Variants in GEMIN5 observed in about 807,000 individuals in gnomAD.
GEMIN5 encodes the protein gem nuclear organelle associated protein 5, also known as gem-associated protein 5.
In GEMIN5, 124 loss-of-function variants were observed where a neutral mutation model predicts 176.9. The observed-to-expected ratio is 0.70, with a 90% CI of 0.61 to 0.81. The LOEUF (loss-of-function observed/expected upper bound fraction) is 0.81, where lower values mean the gene tolerates loss of function less well. Among genes scored for constraint, GEMIN5 ranks in the 40% least tolerant of loss-of-function variants. The pLI is 0.00. For synonymous variants in GEMIN5, 673 were observed against 665.2 expected, an observed-to-expected ratio of 1.01 and a Z score of -0.18; for missense variants, 1,843 against 1,814.6, an observed-to-expected ratio of 1.02 and a Z score of -0.28.
chr5:154,937,967 C>T lies in GEMIN5; in HGVS notation c.166+1G>A. On this transcript the variant is annotated splice_donor_variant, in intron 1 of 27. Transcript: ENST00000285873. LOFTEE classifies it high-confidence loss of function. ...TCTCGGGCCCAAGGGTGGTGAGTTA[C>T]CTCGAAACGGGGGTGTCCCTGGACT... The T allele has an allele frequency of 2.5e-6, 4 of 1,572,176 alleles. No homozygotes were observed. The highest frequency in any genetic ancestry group is 3.4e-6 in the Non-Finnish European group (4 of 1,161,560).
intron 15 of GEMIN5, among the ~76,000 whole-genome samples, chr5:154,909,755 G>A (rs1327136318): frequency 6.6e-6 from 1 of 152,150 alleles, no homozygotes; most frequent in African/African-American, 2.4e-5. Flanking sequence ...GAGGCGGGCA[G>A]ATCATCTGAG....
At chr5:154,937,292 AC>A in intron 1 of GEMIN5, 107 bp from the exon 2 acceptor site, 1 of 919,592 alleles carries the variant, frequency 1.1e-6, no homozygotes, top group Non-Finnish European at 1.7e-6. Flanking sequence ...GAGTTACTTA[AC>A]CCATGGTATA....
At chr5:154,929,694 TCCCACTTG>T (rs1442023362) in intron 5 of GEMIN5, among the ~76,000 whole-genome samples, 1 of 152,242 alleles carries the variant, frequency 6.6e-6, no homozygotes, top group Non-Finnish European at 1.5e-5. Flanking sequence ...AGCCTTATGT[TCCCACTTG>T]GAGTTTTAGC....
intron 11 of GEMIN5, 22 bp downstream of exon 11, chr5:154,919,945 C>T: frequency 6.2e-7 from 1 of 1,609,592 alleles, no homozygotes; most frequent in Non-Finnish European, 8.5e-7. Context: ...AAAGAAAATA[C>T]TTCAGGACCA....
rs192531794 is a variant in GEMIN5 at position 154,921,522 on chromosome 5, A to C, written c.1380-97T>G. On this transcript the variant is annotated intron_variant, in intron 9 of 27. Transcript: ENST00000285873. ...TTTCTAAAAGGTCCCCATTATAAAC[A>C]TAACTACTAATAATTGGAGAAAAAT... The C allele has an allele frequency of 5.1e-4, 335 of 661,526 alleles. 2 individuals are homozygous for C. The highest frequency in any genetic ancestry group is 3.2e-3 in the Admixed American group (102 of 31,920). 41.0% of individuals were successfully genotyped at this position (661,526 alleles called of 1,614,324 possible). A position where few individuals can be genotyped will look rare whatever the true frequency, so the allele number is the denominator to read the frequency against.
At position 154,889,407 on chromosome 5, in the gene GEMIN5, TTTC is replaced by T. The variant is rs1763180620; in HGVS notation, c.4270_4272del (p.Glu1424del). 2 of 1,604,976 alleles carry T rather than the reference TTTC, an allele frequency of 1.2e-6. No individual in the cohort carries two copies. The highest frequency in any genetic ancestry group is 1.7e-6 in the Non-Finnish European group (2 of 1,172,066). On this transcript the variant is annotated inframe_deletion, in exon 27 of 28. Transcript: ENST00000285873. ...TCAGGCAGAGAAAGTGGCTCATTTT[TTTC>T]TTCTTTACTAGTGAAAAAAATAAAA... is the stretch of plus-strand genomic sequence containing the variant.
chr5:154,924,573 C>A lies in GEMIN5; in HGVS notation c.1294-19G>T. ...AGCACAGCTACAAAAAAAAGAGTTTCCAAGTGAGAATATAAGAAGTGGGGC... is the reference window on the plus strand; with the variant it reads ...AGCACAGCTACAAAAAAAAGAGTTTACAAGTGAGAATATAAGAAGTGGGGC... On this transcript the variant is annotated intron_variant, in intron 8 of 27. Transcript: ENST00000285873. The A allele has an allele frequency of 1.3e-6, 2 of 1,538,902 alleles. No individual in the cohort carries two copies. Among genetic ancestry groups the A allele is most frequent in the Non-Finnish European group, 1.8e-6 (2 of 1,113,610 alleles).
At chr5:154,891,959 G>C (rs1763240801) in intron 25 of GEMIN5, among the ~76,000 whole-genome samples, 1 of 152,080 alleles carries the variant, frequency 6.6e-6, no homozygotes, top group African/African-American at 2.4e-5. Flanking sequence ...TACATCCTAG[G>C]AGTCATTCAA....
Position 154,896,090 on chromosome 5 carries a change from A to G in GEMIN5, c.3597+2T>C, listed in dbSNP as rs1428226020. On this transcript the variant is annotated splice_donor_variant, in intron 24 of 27. Coordinates refer to ENST00000285873, the MANE Select transcript of GEMIN5 (RefSeq NM_015465.5). LOFTEE classifies it high-confidence loss of function. ...TGTCAAATGCTGGTACAGATGGCTTACCTGTTTGGCAGGTGTGTTATTTGT... is the reference window on the plus strand; with the variant it reads ...TGTCAAATGCTGGTACAGATGGCTTGCCTGTTTGGCAGGTGTGTTATTTGT... 2 of 1,612,874 alleles carry G rather than the reference A, an allele frequency of 1.2e-6. No homozygotes were observed. Among genetic ancestry groups the G allele is most frequent in the African/African-American group, 2.7e-5 (2 of 74,868 alleles).
In GEMIN5 at chr5:154,920,010, G is replaced by T. The variant is rs772506102; in HGVS notation, c.1556C>A (p.Ala519Asp). The T allele has an allele frequency of 1.2e-6, 2 of 1,613,430 alleles. No homozygotes were observed. Residue 519 changes from alanine to aspartate, a missense_variant, in exon 11 of 28, where the codon GCC (alanine) becomes GAC (aspartate). Physicochemically the swap from Ala to Asp is moderately radical, Grantham distance 126. Transcript: ENST00000285873. ...QHNPWKLSGE[A>D]FDINKLIRDT... ...CCTGATGAGTTTGTTGATGTCAAAG[G>T]CTTCTCCACTAAGCTTCCAGGGATT...
Position 154,938,013 on chromosome 5 carries a change from C to A in GEMIN5, c.121G>T (p.Val41Leu). 6.4e-7 allele frequency: 1 copy of A among 1,568,968 alleles called. No individual in the cohort carries two copies. Among genetic ancestry groups the A allele is most frequent in the South Asian group, 1.1e-5 (1 of 87,172 alleles). Residue 41 changes from valine (V) to leucine (L), a missense_variant, in exon 1 of 28, where the codon GTG (valine) becomes TTG (leucine). Val to Leu is a conservative substitution (Grantham distance 32, BLOSUM62 1). Transcript: ENST00000285873. ...AARTSVFLVR[V>L]GPGAGESPGT... is the part of the protein sequence containing the mutation. ...GGACTCTCGCCTGCGCCCGGGCCCA[C>A]GCGGACAAGGAAGACGGAGGTCCGC...
Position 154,912,717 on chromosome 5 carries a change from A to C in GEMIN5, c.1995+182T>G, listed in dbSNP as rs561797335. 1.7e-3 allele frequency among the ~76,000 whole-genome samples: 254 copies of C among 150,702 alleles called. 2 individuals are homozygous for C. Among genetic ancestry groups the C allele is most frequent in the South Asian group, 3.8e-3 (18 of 4,766 alleles). On this transcript the variant is annotated intron_variant, in intron 14 of 27. Transcript: ENST00000285873. ...CTTCATCTAAGTAACAAAAAAAAAA[A>C]CCCAGTCTTAGCCTAGGCCCTATGT... is the stretch of plus-strand genomic sequence containing the variant.
intron 21 of GEMIN5, among the ~76,000 whole-genome samples, chr5:154,901,123 G>A (rs990933298): frequency 4.6e-5 from 7 of 152,144 alleles, no homozygotes; most frequent in Non-Finnish European, 8.8e-5. Context: ...CCCAGGAGTT[G>A]GCAATCAGCT....
chr5:154,917,208 A>T (rs1763830566), intron 12 of GEMIN5, 29 bp from the exon 13 acceptor site: 4 of 1,276,218 alleles, frequency 3.1e-6, no homozygotes, highest in Non-Finnish European at 4.3e-6. Context: ...CAAAACAAGA[A>T]AGATGGATGA....
intron 16 of GEMIN5, 74 bp downstream of exon 16, chr5:154,907,517 C>G (rs1561716172): frequency 3.0e-6 from 3 of 984,094 alleles, no homozygotes; most frequent in Non-Finnish European, 4.6e-6. Context: ...AAGTTTCAAA[C>G]TGAGTAAGGA....
chr5:154,888,449 A>G, intron 27 of GEMIN5, 72 bp from the exon 28 acceptor site: 1 of 1,311,150 alleles, frequency 7.6e-7, no homozygotes, highest in Non-Finnish European at 1.1e-6. Context: ...CACAGAAGGC[A>G]CCAGTCACTC....
At position 154,888,103 on chromosome 5, in the gene GEMIN5, T is replaced by C; in HGVS notation, c.*107A>G. The stretch of plus-strand genomic sequence containing the variant: ...CCTTGTTTGTATTCTTTTGGATTAC[T>C]GCAAAAACATCTAGGGACCAGAGTG... On this transcript the variant is annotated 3_prime_UTR_variant, in exon 28 of 28. Transcript: ENST00000285873. The C allele has an allele frequency of 9.5e-7, 1 of 1,057,550 alleles. No homozygotes were observed. Among genetic ancestry groups the C allele is most frequent in the Non-Finnish European group, 1.4e-6 (1 of 696,368 alleles). The allele number at this position is 1,057,550 out of a possible 1,614,324, so 65.5% of individuals were successfully genotyped here. A position where few individuals can be genotyped will look rare whatever the true frequency, so the allele number is the denominator to read the frequency against.
At chr5:154,931,982 G>T in intron 4 of GEMIN5, 117 bp downstream of exon 4, 2 of 821,794 alleles carry the variant, frequency 2.4e-6, no homozygotes, top group Non-Finnish European at 3.8e-6. Flanking sequence ...TCCAGCCTAG[G>T]CAACAAAAGC....
chr5:154,915,958 TA>T (rs967959647), intron 13 of GEMIN5, among the ~76,000 whole-genome samples: 6 of 151,302 alleles, frequency 4.0e-5, no homozygotes, highest in Admixed American at 1.3e-4. Flanking sequence ...ACTTAAATTG[TA>T]AAAAAAAATA....
Sources: allele counts gnomAD v4.1 joint callset (sites outside exome capture counted in the v4.1 genomes callset), GRCh38; gene constraint gnomAD v4.1.1; transcripts MANE v1.5; gene names NCBI Gene and HGNC (gene_info 2026-07-23, HGNC 2026-07-21).